RARRES2: variants seen among roughly 807,000 people sequenced by gnomAD.
RARRES2 encodes the protein retinoic acid receptor responder protein 2.
A neutral mutation model predicts 17.9 loss-of-function variants in RARRES2; 12 were observed. The ratio of observed to expected loss-of-function variants is 0.67; its 90% CI spans 0.43 to 1.08. The LOEUF (loss-of-function observed/expected upper bound fraction) is 1.08, where lower values mean the gene tolerates loss of function less well. RARRES2 is among the 50% of genes least tolerant of loss of function. RARRES2 has a pLI of 0.00. For missense variants in RARRES2, 220 were observed against 210.1 expected, an observed-to-expected ratio of 1.05 and a Z score of -0.29; for synonymous variants, 82 against 86.8, an observed-to-expected ratio of 0.94 and a Z score of 0.31.
At chr7:150,339,654 A>G (rs1798430325) in intron 3 of RARRES2, among the ~76,000 whole-genome samples, 1 of 151,826 alleles carries the variant, frequency 6.6e-6, no homozygotes, top group Admixed American at 6.6e-5. Context: ...CGGGAACTAG[A>G]ACACAGTCAC....
chr7:150,338,340 C>T lies in RARRES2; in HGVS notation c.*110G>A, dbSNP rs1798383275. 2.8e-6 allele frequency: 4 copies of T among 1,410,166 alleles called. No individual in the cohort carries two copies. The East Asian group carries it at 1.4e-4, about 49-fold the overall frequency. 87.4% of individuals were successfully genotyped at this position (1,410,166 alleles called of 1,614,324 possible). ...AGCTGAGAGGCAGCTGGGAGAGCAG[C>T]TTTATTATCATGGCTGGGGATAGAA... On this transcript the variant is annotated 3_prime_UTR_variant, in exon 6 of 6. Coordinates refer to ENST00000223271, the MANE Select transcript of RARRES2 (RefSeq NM_002889.4).
chr7:150,340,128 T>G lies in RARRES2; in HGVS notation c.251A>C (p.Lys84Thr), dbSNP rs1192810634. 6.2e-7 allele frequency: 1 copy of G among 1,614,178 alleles called. No individual in the cohort carries two copies. The highest frequency in any genetic ancestry group is 8.5e-7 in the Non-Finnish European group (1 of 1,180,016). The change falls in exon 3 of 6, where the codon AAA (lysine) becomes ACA (threonine). Residue 84 changes from lysine to threonine, a missense_variant. Lys to Thr is a moderately conservative substitution (Grantham distance 78). Transcript: ENST00000223271. ...ATTGGGCCTGACTTTGCACTCGGGT[T>G]TCTTCCAGTCCCTCTTCCGGCAGCT... ...QTSCRKRDWKKPECKVRPNGR... is the reference protein window; with the variant it reads ...QTSCRKRDWKTPECKVRPNGR...
At chr7:150,339,799 T>C (rs1484927658) in intron 3 of RARRES2, among the ~76,000 whole-genome samples, 1 of 152,004 alleles carries the variant, frequency 6.6e-6, no homozygotes, top group Non-Finnish European at 1.5e-5. Context: ...GCCCTGATGC[T>C]TGAGAGAGGA....
At chr7:150,339,974 T>C in intron 3 of RARRES2, 126 bp downstream of exon 3, 1 of 869,488 alleles carries the variant, frequency 1.2e-6, no homozygotes, top group Non-Finnish European at 1.9e-6. Context: ...GTCTCTAACC[T>C]CAGGGCTTCT....
At position 150,338,633 on chromosome 7, in the gene RARRES2, G is replaced by T; in HGVS notation, c.484C>A (p.Arg162Ser). Residue 162 changes from arginine to serine, a missense_variant, in exon 5 of 6, where the codon CGC becomes AGC. Transcript: ENST00000223271. Reference protein sequence around the residue: ...GQFAFSKALPRS With the variant: ...GQFAFSKALPSS ...TGCCTACCAGTGCTGGCTTAGCTGC[G>T]GGGCAGGGCCTTGGAGAAGGCGAAC... 6.4e-7 allele frequency: 1 copy of T among 1,554,664 alleles called. No individual in the cohort carries two copies. The highest frequency in any genetic ancestry group is 2.4e-5 in the East Asian group (1 of 41,282).
chr7:150,340,235 C>T (rs1390045957), intron 2 of RARRES2, 31 bp from the exon 3 acceptor site: 2 of 1,608,216 alleles, frequency 1.2e-6, no homozygotes, highest in South Asian at 1.1e-5. Context: ...AGAGGATGGC[C>T]GGTAGCCAGC....
chr7:150,338,900 C>T, intron 4 of RARRES2, 86 bp downstream of exon 4: 1 of 1,544,492 alleles, frequency 6.5e-7, no homozygotes, highest in Non-Finnish European at 8.9e-7. Context: ...CTTGGCCAAG[C>T]TTTAGCCTCG....
chr7:150,338,918 C>A, intron 4 of RARRES2, 68 bp downstream of exon 4: 1 of 1,545,600 alleles, frequency 6.5e-7, no homozygotes, highest in South Asian at 1.1e-5. Flanking sequence ...TCGAGACCAG[C>A]CCATAGGCTC....
At position 150,339,120 on chromosome 7, in the gene RARRES2, A is replaced by AG. The variant is rs540698063; in HGVS notation, c.280-40dup. On this transcript the variant is annotated intron_variant, in intron 3 of 5. Transcript: ENST00000223271. ...GGGAGCATGGGGTGAGCAGAGGAAA[A>AG]GGGTGAGGGAGGCCTGGGCATCATG... 106 of 1,520,162 alleles carry AG rather than the reference A, an allele frequency of 7.0e-5. No individual in the cohort carries two copies. The African/African-American group carries it at 1.2e-3, about 18-fold the overall frequency. The allele number at this position is 1,520,162 out of a possible 1,614,324, so 94.2% of individuals were successfully genotyped here.
chr7:150,340,549 C>G lies in RARRES2; in HGVS notation c.61G>C (p.Glu21Gln), dbSNP rs920474032. Residue 21 changes from glutamate (E) to glutamine (Q), a missense_variant, in exon 2 of 6, where the codon GAG becomes CAG. Transcript: ENST00000223271. ...WLGAVGVGVA[E>Q]LTEAQRRGLQ... ...CCCCGGCGCTGGGCTTCCGTGAGCT[C>G]GGCGACGCCCACGCCCACCGCACCC... 6.3e-7 allele frequency: 1 copy of G among 1,574,896 alleles called. No individual in the cohort carries two copies. The highest frequency in any genetic ancestry group is 8.6e-7 in the Non-Finnish European group (1 of 1,161,240).
At chr7:150,340,699 G>C in intron 1 of RARRES2, 70 bp from the exon 2 acceptor site, 1 of 1,338,080 alleles carries the variant, frequency 7.5e-7, no homozygotes, top group East Asian at 2.7e-5. Context: ...GCCCTGCTCT[G>C]GGGGGAGGGT....
intron 3 of RARRES2, 57 bp from the exon 4 acceptor site, chr7:150,339,138 GCAT>G: frequency 1.4e-6 from 2 of 1,479,666 alleles, no homozygotes. Context: ...GGAGGCCTGG[GCAT>G]CATGAGGGTG....
In RARRES2 at chr7:150,340,179, C is replaced by T. The variant is rs757925213; in HGVS notation, c.200G>A (p.Arg67Lys). The T allele has an allele frequency of 1.9e-6, 3 of 1,614,074 alleles. No homozygotes were observed. In the African/African-American group the frequency reaches 4.0e-5, roughly 22 times the overall value. ...DTPFPAGIFVRLEFKLQQTSC... is the reference protein window; with the variant it reads ...DTPFPAGIFVKLEFKLQQTSC... ...TGTCTGCTGCAGCTTAAATTCCAGCCTCACAAATATTCCAGCTGGGAAGGG... is the reference window on the plus strand; with the variant it reads ...TGTCTGCTGCAGCTTAAATTCCAGCTTCACAAATATTCCAGCTGGGAAGGG... Residue 67 changes from arginine (R) to lysine (K), a missense_variant, in exon 3 of 6, where the codon AGG becomes AAG. By Grantham distance (26) the Arg-to-Lys change is conservative (BLOSUM62 2). Transcript: ENST00000223271.
At position 150,340,080 on chromosome 7, in the gene RARRES2, T is replaced by G. The variant is rs778452335; in HGVS notation, c.279+20A>C. The G allele has an allele frequency of 8.1e-6, 13 of 1,604,008 alleles. No individual in the cohort carries two copies. In the Admixed American group the frequency reaches 2.2e-4, roughly 27 times the overall value. Reference sequence around the variant, plus strand: ...CTCACACCCAGCATGCGCCCATTGCTCTCACACCCCTTCACTCACCCCATT... The same window carrying G: ...CTCACACCCAGCATGCGCCCATTGCGCTCACACCCCTTCACTCACCCCATT... On this transcript the variant is annotated intron_variant, in intron 3 of 5. Coordinates refer to ENST00000223271, the MANE Select transcript of RARRES2 (RefSeq NM_002889.4).
intron 1 of RARRES2, 96 bp from the exon 2 acceptor site, chr7:150,340,725 G>A (rs1024284800): frequency 3.9e-5 from 43 of 1,115,464 alleles, no homozygotes; most frequent in Non-Finnish European, 4.8e-5. Flanking sequence ...GCGGGGGCGG[G>A]GTCCAGGCCT....
intron 3 of RARRES2, 58 bp from the exon 4 acceptor site, chr7:150,339,139 C>T: frequency 3.4e-6 from 5 of 1,481,462 alleles, no homozygotes; most frequent in Non-Finnish European, 4.7e-6. Flanking sequence ...GAGGCCTGGG[C>T]ATCATGAGGG....
At chr7:150,339,233 G>T in intron 3 of RARRES2, 152 bp from the exon 4 acceptor site, 1 of 694,148 alleles carries the variant, frequency 1.4e-6, no homozygotes, top group Non-Finnish European at 2.5e-6. Flanking sequence ...AGGCCAGCAG[G>T]TTTCAGGCAC....
At chr7:150,340,262 G>T in intron 2 of RARRES2, 58 bp from the exon 3 acceptor site, 2 of 1,585,324 alleles carry the variant, frequency 1.3e-6, no homozygotes, top group South Asian at 1.1e-5. Flanking sequence ...TGCAGAGCAA[G>T]CCCTGGTGTG....
chr7:150,339,843 A>G (rs572055910), intron 3 of RARRES2, among the ~76,000 whole-genome samples: 4 of 152,226 alleles, frequency 2.6e-5, no homozygotes, highest in East Asian at 1.9e-4. Flanking sequence ...TCTGATGAAG[A>G]TAAGTCCAGG....
Sources: allele counts gnomAD v4.1 joint callset (sites outside exome capture counted in the v4.1 genomes callset), GRCh38; gene constraint gnomAD v4.1.1; transcripts MANE v1.5; gene names NCBI Gene and HGNC (gene_info 2026-07-23, HGNC 2026-07-21).